CELSR2: variants seen among roughly 807,000 people sequenced by gnomAD.
CELSR2 encodes the protein EGF-like protein 2.
In CELSR2, 81 loss-of-function variants were observed where a neutral mutation model predicts 251.6. The observed-to-expected ratio is 0.32, with a 90% CI of 0.27 to 0.39. CELSR2 has a LOEUF of 0.39. CELSR2 is among the 10% of genes least tolerant of loss of function. The pLI, the probability that CELSR2 is intolerant of heterozygous loss-of-function variation, is 1.00. For missense variants in CELSR2, 3,365 were observed against 3,947.7 expected (o/e 0.85, Z 3.96); for synonymous variants, 1,721 against 1,670.5 (o/e 1.03, Z -0.74).
intron 2 of CELSR2, among the ~76,000 whole-genome samples, chr1:109,259,342 T>A (rs1655955209): frequency 6.6e-6 from 1 of 152,230 alleles, no homozygotes; most frequent in Non-Finnish European, 1.5e-5. Context: ...CGGCCTGTGT[T>A]CGTGTATCAG....
intron 24 of CELSR2, 95 bp from the exon 25 acceptor site, chr1:109,270,832 C>A: frequency 9.7e-7 from 1 of 1,027,656 alleles, no homozygotes; most frequent in Non-Finnish European, 1.5e-6. Flanking sequence ...CTTTTCCATG[C>A]TTCATGCCTG....
chr1:109,274,140 C>A lies in CELSR2; in HGVS notation c.*91C>A, dbSNP rs1311977640. ...CTGTCTTGTGCTTTATCCTGCCCCGCTCCCCATCGCCTGCCCGCAGCAGCG... is the reference window on the plus strand; with the variant it reads ...CTGTCTTGTGCTTTATCCTGCCCCGATCCCCATCGCCTGCCCGCAGCAGCG... On this transcript the variant is annotated 3_prime_UTR_variant, in exon 34 of 34. Coordinates refer to ENST00000271332, the MANE Select transcript of CELSR2 (RefSeq NM_001408.3). 1 of 1,608,142 alleles carries A rather than the reference C, an allele frequency of 6.2e-7. No homozygotes were observed. The highest frequency in any genetic ancestry group is 1.3e-5 in the African/African-American group (1 of 74,906).
At position 109,272,366 on chromosome 1, in the gene CELSR2, C is replaced by G. The variant is rs752490979; in HGVS notation, c.8015C>G (p.Ser2672Trp). 6.2e-7 allele frequency: 1 copy of G among 1,612,272 alleles called. No individual in the cohort carries two copies. The highest frequency in any genetic ancestry group is 1.1e-5 in the South Asian group (1 of 91,048). ...GGCTCTCTGCACAGCACCAGTCGCTCGGGCAAGAGTCAGCCCAGCTACATC... is the reference window on the plus strand; with the variant it reads ...GGCTCTCTGCACAGCACCAGTCGCTGGGGCAAGAGTCAGCCCAGCTACATC... ...SAGSLHSTSRSGKSQPSYIPF... is the reference protein window; with the variant it reads ...SAGSLHSTSRWGKSQPSYIPF... Residue 2672 changes from serine (S) to tryptophan (W), a missense_variant, in exon 29 of 34, where the codon TCG becomes TGG. Physicochemically the swap from Ser to Trp is radical, Grantham distance 177. Transcript: ENST00000271332.
In CELSR2 at chr1:109,252,442, G is replaced by A. The variant is rs763481311; in HGVS notation, c.2363G>A (p.Arg788Gln). ...QVSYTLAITA[R>Q]DNGIPQKSDT... ...TCTTACACCCTGGCCATTACTGCTCGGGACAATGGCATTCCCCAGAAGTCC... is the reference window on the plus strand; with the variant it reads ...TCTTACACCCTGGCCATTACTGCTCAGGACAATGGCATTCCCCAGAAGTCC... Residue 788 changes from arginine (R) to glutamine (Q), a missense_variant, in exon 1 of 34, where the codon CGG becomes CAG. Around this residue, in one of 5 missense-constraint regions of CELSR2, gnomAD observed 505 missense variants for 660.0 expected, o/e 0.77. Coordinates refer to ENST00000271332, the MANE Select transcript of CELSR2 (RefSeq NM_001408.3). This position sits in a 1 kb window ranked among gnomAD's most constrained non-coding sequence, Gnocchi z 4.8. The A allele has an allele frequency of 3.7e-6, 6 of 1,613,476 alleles. No individual in the cohort carries two copies. The highest frequency in any genetic ancestry group is 1.6e-4 in the Middle Eastern group (1 of 6,084).
At chr1:109,262,533 C>T in intron 6 of CELSR2, 89 bp downstream of exon 6, 1 of 1,527,554 alleles carries the variant, frequency 6.5e-7, no homozygotes, top group Non-Finnish European at 8.8e-7. Context: ...TTTGGGGTCT[C>T]TCTCCCTTTG....
rs1656101276 is a variant in CELSR2 at position 109,263,780 on chromosome 1, G to T, written c.5001+3G>T. On this transcript the variant is annotated splice_donor_region_variant and intron_variant, in intron 9 of 33. Coordinates refer to ENST00000271332, the MANE Select transcript of CELSR2 (RefSeq NM_001408.3). ...GGCGCAGCACCATCACCCTACAGGT[G>T]ATGCATGGAAGGGCGGCTGGCCCTG... The T allele has an allele frequency of 6.2e-7, 1 of 1,611,904 alleles. No individual in the cohort carries two copies. Among genetic ancestry groups the T allele is most frequent in the South Asian group, 1.1e-5 (1 of 90,976 alleles).
intron 6 of CELSR2, among the ~76,000 whole-genome samples, 161 bp downstream of exon 6, chr1:109,262,605 C>T (rs2101256208): frequency 6.6e-6 from 1 of 152,308 alleles, no homozygotes; most frequent in East Asian, 1.9e-4. Flanking sequence ...AGAGCAAGGC[C>T]CTGTGGGGCA....
Position 109,258,431 on chromosome 1 carries a change from G to T in CELSR2, c.3311-1G>T. 1 of 1,569,972 alleles carries T rather than the reference G, an allele frequency of 6.4e-7. No individual in the cohort carries two copies. The highest frequency in any genetic ancestry group is 2.3e-5 in the East Asian group (1 of 44,016). Reference sequence around the variant, plus strand: ...GGTCCTGACTGTGTCCCTCTCCACAGACGGCGTACACAGCGTGACCGCCCA... The same window carrying T: ...GGTCCTGACTGTGTCCCTCTCCACATACGGCGTACACAGCGTGACCGCCCA... On this transcript the variant is annotated splice_acceptor_variant, in intron 1 of 33. Coordinates refer to ENST00000271332, the MANE Select transcript of CELSR2 (RefSeq NM_001408.3). LOFTEE classifies it high-confidence loss of function.
In CELSR2 at chr1:109,271,498, TG is replaced by T; in HGVS notation, c.7790del (p.Cys2597SerfsTer38). On this transcript the variant is annotated frameshift_variant, in exon 27 of 34. Transcript: ENST00000271332. LOFTEE classifies it high-confidence loss of function. ...TLLFHYLFAT[C>X]NCIQGPFIFL... ...CCTCTTCCACTACCTCTTTGCTACCTGCAATTGCATCCAGGTACCTGGCCCA... is the reference window on the plus strand; with the variant it reads ...CCTCTTCCACTACCTCTTTGCTACCTCAATTGCATCCAGGTACCTGGCCCA... 1 of 1,614,146 alleles carries T rather than the reference TG, an allele frequency of 6.2e-7. No homozygotes were observed. Among genetic ancestry groups the T allele is most frequent in the Non-Finnish European group, 8.5e-7 (1 of 1,180,018 alleles).
At chr1:109,266,922 C>G (rs1251024408) in intron 15 of CELSR2, among the ~76,000 whole-genome samples, 1 of 151,494 alleles carries the variant, frequency 6.6e-6, no homozygotes, top group Non-Finnish European at 1.5e-5. Flanking sequence ...AGGGTTTCAC[C>G]ATGTTGGCCA....
chr1:109,263,712 A>G lies in CELSR2; in HGVS notation c.4936A>G (p.Thr1646Ala). The change falls in exon 9 of 34, where the codon ACG becomes GCG. Residue 1646 changes from threonine to alanine, a missense_variant. Physicochemically the swap from Thr to Ala is moderately conservative, Grantham distance 58. Around this residue, in one of 5 missense-constraint regions of CELSR2, gnomAD observed 2,093 missense variants for 2,382.8 expected, o/e 0.88. Transcript: ENST00000271332. ...CTGGTACCTCAGCCTCATGTTCCGC[A>G]CGCGCCAGGCCGACGGTGTCCTGCT... ...QPWYLSLMFR[T>A]RQADGVLLQA... 4 of 1,613,864 alleles carry G rather than the reference A, an allele frequency of 2.5e-6. No homozygotes were observed. Among genetic ancestry groups the G allele is most frequent in the Non-Finnish European group, 3.4e-6 (4 of 1,179,970 alleles).
At position 109,265,937 on chromosome 1, in the gene CELSR2, G is replaced by A. The variant is rs757362347; in HGVS notation, c.5911+19G>A. Reference sequence around the variant, plus strand: ...TGTGAAGGTGGGGCTCCTGGGATGGGTGGGCAGCCCTCCTTACAGTGTGCT... The same window carrying A: ...TGTGAAGGTGGGGCTCCTGGGATGGATGGGCAGCCCTCCTTACAGTGTGCT... On this transcript the variant is annotated intron_variant, in intron 14 of 33. Coordinates refer to ENST00000271332, the MANE Select transcript of CELSR2 (RefSeq NM_001408.3). The A allele has an allele frequency of 1.2e-6, 2 of 1,606,498 alleles. No homozygotes were observed. Among genetic ancestry groups the A allele is most frequent in the Non-Finnish European group, 1.7e-6 (2 of 1,175,424 alleles).
chr1:109,270,683 C>T (rs1287388219), intron 24 of CELSR2, 83 bp downstream of exon 24: 2 of 1,513,030 alleles, frequency 1.3e-6, no homozygotes, highest in Non-Finnish European at 9.0e-7. Flanking sequence ...ACATACAGGC[C>T]CTGAGGCCCC....
chr1:109,273,606 G>C lies in CELSR2; in HGVS notation c.8680G>C (p.Gly2894Arg). 1 of 1,546,418 alleles carries C rather than the reference G, an allele frequency of 6.5e-7. No individual in the cohort carries two copies. The highest frequency in any genetic ancestry group is 8.7e-7 in the Non-Finnish European group (1 of 1,144,366). ...GCAGAGCCTCCAGGAGCAGCTGAACGGGGTCATGCCCATCGCCATGAGCAT... is the reference window on the plus strand; with the variant it reads ...GCAGAGCCTCCAGGAGCAGCTGAACCGGGTCATGCCCATCGCCATGAGCAT... The part of the protein sequence containing the change: ...PRQSLQEQLN[G>R]VMPIAMSIKA... The change falls in exon 33 of 34, where the codon GGG (glycine) becomes CGG (arginine). Residue 2894 changes from glycine to arginine, a missense_variant. This residue lies in a region of CELSR2 where 2,093 missense variants were observed against 2,382.8 expected (regional missense o/e 0.88). Coordinates refer to ENST00000271332, the MANE Select transcript of CELSR2 (RefSeq NM_001408.3).
intron 1 of CELSR2, among the ~76,000 whole-genome samples, chr1:109,254,165 T>C (rs1389286329): frequency 6.6e-6 from 1 of 152,194 alleles, no homozygotes; most frequent in East Asian, 1.9e-4. Flanking sequence ...CATGGGCTGT[T>C]CTTAGGGTGC....
chr1:109,268,748 C>T lies in CELSR2; in HGVS notation c.6486C>T (p.Ile2162=), dbSNP rs759840090. The change falls in exon 18 of 34, where the codon ATC becomes ATT. Residue 2162 remains isoleucine (I), a synonymous_variant. Transcript: ENST00000271332. The part of the protein sequence containing the change: ...MRHTYLSPFT[I]VTPNIVISVV... ...ACACCTACCTAAGCCCCTTCACCAT[C>T]GTCACGCCCAACATTGGTAAGGCTG... The T allele has an allele frequency of 4.3e-5, 69 of 1,601,648 alleles. No homozygotes were observed. The highest frequency in any genetic ancestry group is 5.3e-5 in the Non-Finnish European group (62 of 1,170,408).
chr1:109,269,340 G>A lies in CELSR2; in HGVS notation c.6812+50G>A, dbSNP rs1237010366. On this transcript the variant is annotated intron_variant, in intron 20 of 33. Coordinates refer to ENST00000271332, the MANE Select transcript of CELSR2 (RefSeq NM_001408.3). The surrounding 1 kb of genome is among the most constrained non-coding windows in gnomAD (Gnocchi z 6.4). ...GGTAGGGGTATGGGTCGGGCGGTGAGTGCTGAGGCATGGAGGGGGTCGGGG... is the reference window on the plus strand; with the variant it reads ...GGTAGGGGTATGGGTCGGGCGGTGAATGCTGAGGCATGGAGGGGGTCGGGG... The A allele has an allele frequency of 6.2e-7, 1 of 1,611,096 alleles. No homozygotes were observed. Among genetic ancestry groups the A allele is most frequent in the East Asian group, 2.2e-5 (1 of 44,814 alleles).
chr1:109,262,195 G>T, intron 5 of CELSR2, 92 bp from the exon 6 acceptor site: 1 of 1,529,092 alleles, frequency 6.5e-7, no homozygotes, highest in South Asian at 1.2e-5. Flanking sequence ...CTGGGCATGT[G>T]GGTGCACACA....
intron 29 of CELSR2, 81 bp downstream of exon 29, chr1:109,272,486 T>G (rs1656400385): frequency 1.9e-6 from 3 of 1,545,510 alleles, no homozygotes; most frequent in African/African-American, 2.7e-5. Flanking sequence ...CTGTTGGGAG[T>G]TGAGGAGCAC....
Sources: gnomAD v4.1 joint callset for allele counts (sites outside exome capture counted in the v4.1 genomes callset) on GRCh38, gnomAD v4.1.1 for gene constraint, gnomAD v4.1.1 regional missense constraint, Gnocchi (gnomAD v3.1) non-coding constraint, MANE v1.5 for transcripts, NCBI Gene and HGNC (gene_info 2026-07-23, HGNC 2026-07-21) for gene names.